Variants in MYO16 observed in about 807,000 individuals in gnomAD.
The protein encoded by MYO16 is unconventional myosin-XVI.
MYO16 carries 94 observed loss-of-function variants against 205.3 expected under a neutral mutation model. The observed-to-expected ratio is 0.46, with a 90% CI of 0.39 to 0.54. The LOEUF is 0.54. Among genes scored for constraint, MYO16 ranks in the 20% least tolerant of loss-of-function variants. The pLI, the probability that MYO16 is intolerant of heterozygous loss-of-function variation, is 0.00. For missense variants in MYO16, 2,315 were observed against 2,387.5 expected (o/e 0.97, Z 0.63); for synonymous variants, 988 against 954.0 (o/e 1.04, Z -0.66).
At chr13:108,887,202 C>T (rs1879941575) in intron 13 of MYO16, among the ~76,000 whole-genome samples, 1 of 152,096 alleles carries the variant, frequency 6.6e-6, no homozygotes, top group South Asian at 2.1e-4. Context: ...TAACTTAATA[C>T]CTCATTTGTT....
the MYO16 span, among the ~76,000 whole-genome samples, chr13:108,529,203 C>T: frequency 2.8e-3 from 426 of 152,166 alleles, 3 homozygotes; most frequent in African/African-American, 9.0e-3. Context: ...TATTTTCTTA[C>T]GTATTTTTTT....
chr13:109,074,408 T>C (rs1388984029), intron 27 of MYO16, among the ~76,000 whole-genome samples: 2 of 152,196 alleles, frequency 1.3e-5, no homozygotes, highest in African/African-American at 4.8e-5. Context: ...CAGTTCTGCA[T>C]GGCTTGGGAG....
intron 32 of MYO16, among the ~76,000 whole-genome samples, chr13:109,149,691 C>T (rs1877543750): frequency 6.6e-6 from 1 of 152,174 alleles, no homozygotes; most frequent in Non-Finnish European, 1.5e-5. Flanking sequence ...ACTTTTGAAA[C>T]AGAGCATGTT....
At chr13:108,793,785 C>T (rs761024610) in intron 6 of MYO16, 145 bp downstream of exon 6, 127 of 942,148 alleles carry the variant, frequency 1.3e-4, no homozygotes, top group Non-Finnish European at 1.7e-4. Flanking sequence ...TGGAAAACAC[C>T]TAAGTAAGCA....
At chr13:108,714,541 CAAG>C (rs967423813) in intron 3 of MYO16, among the ~76,000 whole-genome samples, 5 of 151,754 alleles carry the variant, frequency 3.3e-5, no homozygotes, top group Admixed American at 6.6e-5. Flanking sequence ...GGAAGGGAAA[CAAG>C]GAGCACAGGG....
intron 4 of MYO16, among the ~76,000 whole-genome samples, chr13:108,751,570 C>T (rs888708346): frequency 6.6e-6 from 1 of 152,076 alleles, no homozygotes; most frequent in Non-Finnish European, 1.5e-5. Context: ...TTGGGCTGCT[C>T]CAAGTGACTT....
intron 4 of MYO16, among the ~76,000 whole-genome samples, chr13:108,769,879 A>G (rs1885905514): frequency 6.6e-6 from 1 of 152,192 alleles, no homozygotes; most frequent in African/African-American, 2.4e-5. Context: ...GCACCCTAAT[A>G]ATTTTATATG....
intron 4 of MYO16, among the ~76,000 whole-genome samples, chr13:108,732,687 G>C (rs977571908): frequency 5.9e-5 from 9 of 152,188 alleles, no homozygotes; most frequent in African/African-American, 2.2e-4. Context: ...GGAAGAAGGA[G>C]GTATGGAAAG....
intron 19 of MYO16, 34 bp from the exon 20 acceptor site, chr13:108,964,727 G>A (rs970616838): frequency 1.9e-6 from 3 of 1,609,628 alleles, no homozygotes; most frequent in Admixed American, 3.4e-5. Context: ...GGGAACCCTT[G>A]TGCTCACTCC....
At chr13:108,656,167 CT>C in intron 1 of MYO16, among the ~76,000 whole-genome samples, 1 of 152,280 alleles carries the variant, frequency 6.6e-6, no homozygotes, top group South Asian at 2.1e-4. Flanking sequence ...TCTCCCATAA[CT>C]CCCACATGTT....
chr13:109,185,492 C>T (rs934109849), intron 34 of MYO16, among the ~76,000 whole-genome samples: 8 of 152,090 alleles, frequency 5.3e-5, no homozygotes, highest in African/African-American at 1.7e-4. Flanking sequence ...CTGATTTTAA[C>T]ATTGTAGATG....
chr13:109,077,957 A>G (rs9555557), intron 27 of MYO16, among the ~76,000 whole-genome samples: 73,244 of 151,890 alleles, frequency 0.48, 17,905 homozygotes, highest in Middle Eastern at 0.55. Context: ...CTCTGTTGAT[A>G]TTTCTTAGTC....
intron 27 of MYO16, among the ~76,000 whole-genome samples, chr13:109,085,368 G>A (rs557584237): frequency 7.9e-5 from 12 of 152,144 alleles, no homozygotes; most frequent in South Asian, 2.1e-4. Context: ...ATAAACTTTC[G>A]AGATGTTTAG....
At chr13:108,865,515 T>G (rs1878668995) in intron 11 of MYO16, among the ~76,000 whole-genome samples, 1 of 151,522 alleles carries the variant, frequency 6.6e-6, no homozygotes, top group Admixed American at 6.6e-5. Flanking sequence ...GCTTCATCCT[T>G]TTCCCTTTTT....
the MYO16 span, among the ~76,000 whole-genome samples, chr13:108,504,541 C>T: frequency 0.13 from 19,252 of 151,666 alleles, 1,374 homozygotes; most frequent in East Asian, 0.23. Flanking sequence ...TCTCTCTTTC[C>T]TTTTTTTACT....
the MYO16 span, among the ~76,000 whole-genome samples, chr13:108,503,780 A>C: frequency 6.6e-6 from 1 of 152,272 alleles, no homozygotes; most frequent in African/African-American, 2.4e-5. Flanking sequence ...TACTTTTTAA[A>C]CCTTTAAAAC....
intron 20 of MYO16, among the ~76,000 whole-genome samples, chr13:108,981,099 A>C (rs1267856183): frequency 2.0e-5 from 3 of 152,236 alleles, no homozygotes; most frequent in Non-Finnish European, 4.4e-5. Flanking sequence ...TTTTCTAAAT[A>C]ACCCTTTAAA....
intron 9 of MYO16, among the ~76,000 whole-genome samples, chr13:108,841,987 T>G (rs1877265250): frequency 6.6e-6 from 1 of 152,136 alleles, no homozygotes; most frequent in South Asian, 2.1e-4. Flanking sequence ...GAAAGTTACT[T>G]TAATAATTGG....
chr13:108,527,315 T>A, the MYO16 span, among the ~76,000 whole-genome samples: 1 of 152,212 alleles, frequency 6.6e-6, no homozygotes, highest in Admixed American at 6.5e-5. Flanking sequence ...AGCTGCAGAT[T>A]AACTGTAGTC....
Sources: allele counts gnomAD v4.1 joint callset (sites outside exome capture counted in the v4.1 genomes callset), GRCh38; gene constraint gnomAD v4.1.1; transcripts MANE v1.5; gene names NCBI Gene and HGNC (gene_info 2026-07-23, HGNC 2026-07-21).